KIZ: variants seen among roughly 807,000 people sequenced by gnomAD.
KIZ encodes centrosomal protein kizuna.
In KIZ, 68 loss-of-function variants were observed where a neutral mutation model predicts 79.6. The observed-to-expected ratio is 0.85, with a 90% CI of 0.70 to 1.05. The LOEUF is 1.05. KIZ is among the 50% of genes least tolerant of loss of function. The pLI is 0.00. For missense variants in KIZ, 797 were observed against 800.4 expected (o/e 1.00, Z 0.05); for synonymous variants, 280 against 281.8 (o/e 0.99, Z 0.06).
intron 6 of KIZ, among the ~76,000 whole-genome samples, chr20:21,165,824 C>CTT (rs2033902823): frequency 4.6e-5 from 7 of 152,216 alleles, no homozygotes; most frequent in African/African-American, 1.7e-4. Context: ...TCAGATGAGA[C>CTT]TTTAAAAGAG....
At chr20:21,178,946 T>C (rs73292173) in intron 6 of KIZ, among the ~76,000 whole-genome samples, 6,603 of 152,226 alleles carry the variant, frequency 0.043, 178 homozygotes, top group Middle Eastern at 0.092. Context: ...TATGATTCTT[T>C]TAATGTACTG....
At chr20:21,224,712 C>T (rs1036123517) in intron 9 of KIZ, among the ~76,000 whole-genome samples, 3 of 152,134 alleles carry the variant, frequency 2.0e-5, no homozygotes, top group Non-Finnish European at 4.4e-5. Context: ...TCCCTGCCTC[C>T]AAGACACCCC....
At chr20:21,166,146 GTA>G in intron 6 of KIZ, 1 of 833,820 alleles carries the variant, frequency 1.2e-6, no homozygotes, top group Non-Finnish European at 1.8e-6. Context: ...TTTGTATTTT[GTA>G]TTTTTTTTTT....
chr20:21,180,380 A>G (rs1229202545), intron 6 of KIZ, among the ~76,000 whole-genome samples: 1 of 151,930 alleles, frequency 6.6e-6, no homozygotes, highest in Non-Finnish European at 1.5e-5. Flanking sequence ...AGTAAGTGTT[A>G]AGGTGCCCTA....
At chr20:21,219,181 A>G (rs2036414473) in intron 9 of KIZ, among the ~76,000 whole-genome samples, 2 of 76,070 alleles carry the variant, frequency 2.6e-5, no homozygotes, top group South Asian at 3.2e-4. Context: ...GCCATATACC[A>G]GGTAGAATAT....
intron 7 of KIZ, among the ~76,000 whole-genome samples, chr20:21,206,183 T>C (rs905004580): frequency 6.6e-6 from 1 of 152,194 alleles, no homozygotes; most frequent in Non-Finnish European, 1.5e-5. Context: ...TTAGAAATAC[T>C]TTATAGTCAT....
intron 9 of KIZ, among the ~76,000 whole-genome samples, chr20:21,222,147 G>T (rs2123369549): frequency 6.6e-6 from 1 of 152,356 alleles, no homozygotes; most frequent in Admixed American, 6.5e-5. Context: ...TCATTATATT[G>T]CAGGGCAGTG....
At chr20:21,163,192 T>G (rs778833492) in intron 6 of KIZ, 33 bp downstream of exon 6, 6 of 1,408,826 alleles carry the variant, frequency 4.3e-6, no homozygotes, top group Non-Finnish European at 4.9e-6. Flanking sequence ...TCTACTGTTC[T>G]GTTTTTAATT....
chr20:21,193,331 G>T (rs1456065877), intron 6 of KIZ, among the ~76,000 whole-genome samples: 1 of 152,180 alleles, frequency 6.6e-6, no homozygotes, highest in Non-Finnish European at 1.5e-5. Flanking sequence ...ATCTGATAGG[G>T]TTAAGGAAAA....
At chr20:21,198,932 G>A (rs1167155161) in intron 6 of KIZ, 3 of 152,280 alleles carry the variant, frequency 2.0e-5, no homozygotes, top group Admixed American at 6.5e-5. Context: ...GTCCTTCTGC[G>A]CTCTCTAGGT....
chr20:21,126,872 A>C (rs1394383304), intron 1 of KIZ, among the ~76,000 whole-genome samples: 1 of 152,234 alleles, frequency 6.6e-6, no homozygotes, highest in African/African-American at 2.4e-5. Flanking sequence ...GCAATGTACT[A>C]TGAATAACCA....
In KIZ at chr20:21,204,119, T is replaced by G. The variant is rs1443675520; in HGVS notation, c.1353-1372T>G. Among the ~76,000 whole-genome samples the G allele has an allele frequency of 2.2e-5, 3 of 134,622 alleles. No individual in the cohort carries two copies. In the East Asian group the frequency reaches 6.4e-4, roughly 29 times the overall value. 88.3% of individuals were successfully genotyped at this position (134,622 alleles called of 152,430 possible). On this transcript the variant is annotated intron_variant, in intron 6 of 12. Coordinates refer to ENST00000619189, the MANE Select transcript of KIZ (RefSeq NM_018474.6). Reference sequence around the variant, plus strand: ...GAGTCATCTATGTTTTTTTTTTTTTTTTTTTTTTTTTTTTGAGACGGAGTC... The same window carrying G: ...GAGTCATCTATGTTTTTTTTTTTTTGTTTTTTTTTTTTTTGAGACGGAGTC...
intron 6 of KIZ, among the ~76,000 whole-genome samples, chr20:21,169,276 A>T (rs1355943046): frequency 1.3e-5 from 2 of 152,174 alleles, no homozygotes; most frequent in Admixed American, 6.5e-5. Flanking sequence ...AAGGATATGA[A>T]CAGACACTTC....
At chr20:21,244,384 G>A in intron 12 of KIZ, 96 bp downstream of exon 12, 2 of 864,286 alleles carry the variant, frequency 2.3e-6, no homozygotes, top group Non-Finnish European at 3.9e-6. Context: ...TGTGAGTCCT[G>A]AAGCGGGCAT....
At chr20:21,236,874 C>G (rs753534267) in intron 11 of KIZ, among the ~76,000 whole-genome samples, 1 of 151,714 alleles carries the variant, frequency 6.6e-6, no homozygotes, top group Non-Finnish European at 1.5e-5. Flanking sequence ...GTGGTGTGCA[C>G]CTGTAATCCC....
rs1434354004 is a variant in KIZ at position 21,215,375 on chromosome 20, G to A, written c.1613-208G>A. ...TTATTTTGCGTGAAAGCAGCATAGT[G>A]GTACCTTAATTCAATTTTATTTTTA... On this transcript the variant is annotated intron_variant, in intron 8 of 12. Coordinates refer to ENST00000619189, the MANE Select transcript of KIZ (RefSeq NM_018474.6). Among the ~76,000 whole-genome samples the A allele has an allele frequency of 4.6e-5, 7 of 152,016 alleles. No homozygotes were observed. In the East Asian group the frequency reaches 1.4e-3, roughly 29 times the overall value.
chr20:21,207,445 C>T (rs75521292), intron 7 of KIZ, among the ~76,000 whole-genome samples: 2 of 128,476 alleles, frequency 1.6e-5, no homozygotes, highest in Non-Finnish European at 3.3e-5. Context: ...TCCTCATCTT[C>T]CTCCTTTCCC....
chr20:21,134,501 C>G (rs1306059015), intron 2 of KIZ, among the ~76,000 whole-genome samples: 1 of 152,094 alleles, frequency 6.6e-6, no homozygotes, highest in Non-Finnish European at 1.5e-5. Flanking sequence ...AGTGTCTGAC[C>G]TAGAGCCAAT....
intron 9 of KIZ, among the ~76,000 whole-genome samples, chr20:21,216,830 G>T (rs1175917719): frequency 6.6e-6 from 1 of 152,150 alleles, no homozygotes; most frequent in East Asian, 1.9e-4. Flanking sequence ...ACCAGGAAAT[G>T]ACCTTGTTCA....
Sources: allele counts gnomAD v4.1 joint callset (sites outside exome capture counted in the v4.1 genomes callset), GRCh38; gene constraint gnomAD v4.1.1; transcripts MANE v1.5; gene names NCBI Gene and HGNC (gene_info 2026-07-23, HGNC 2026-07-21).